TPR: variants seen among roughly 807,000 people sequenced by gnomAD.
The protein encoded by TPR is translocated promoter region, nuclear basket protein.
In TPR, 51 loss-of-function variants were observed where a neutral mutation model predicts 316.1. The observed-to-expected ratio is 0.16, with a 90% CI of 0.13 to 0.20. The LOEUF (loss-of-function observed/expected upper bound fraction) is 0.20. Among genes scored for constraint, TPR ranks in the 10% least tolerant of loss-of-function variants. The pLI is 1.00. For synonymous variants in TPR, 981 were observed against 914.7 expected (o/e 1.07, Z -1.31); for missense variants, 2,272 against 2,754.8 (o/e 0.82, Z 3.92).
intron 39 of TPR, among the ~76,000 whole-genome samples, chr1:186,331,253 AAAAATCT>A (rs1337487691): frequency 2.6e-5 from 4 of 152,104 alleles, no homozygotes; most frequent in Non-Finnish European, 4.4e-5. Flanking sequence ...CACAACTCTA[AAAAATCT>A]GGAAATCTGT....
chr1:186,326,353 C>A (rs534755355), intron 40 of TPR, 118 bp from the exon 41 acceptor site: 1 of 1,462,002 alleles, frequency 6.8e-7, no homozygotes, highest in Non-Finnish European at 9.1e-7. Flanking sequence ...TAGGAATTGT[C>A]CTGAGAGTTG....
intron 43 of TPR, 125 bp from the exon 44 acceptor site, chr1:186,322,711 C>T: frequency 1.1e-6 from 1 of 936,818 alleles, no homozygotes; most frequent in Non-Finnish European, 1.6e-6. Context: ...GTAATTAGGA[C>T]ATTTTCCCAG....
intron 1 of TPR, among the ~76,000 whole-genome samples, chr1:186,374,386 C>T (rs1171456829): frequency 6.6e-6 from 1 of 152,166 alleles, no homozygotes; most frequent in Non-Finnish European, 1.5e-5. Flanking sequence ...GTTTCCAGCG[C>T]TCTTATGCAC....
At chr1:186,326,842 TA>T (rs1297207541) in intron 40 of TPR, among the ~76,000 whole-genome samples, 4 of 147,370 alleles carry the variant, frequency 2.7e-5, no homozygotes, top group African/African-American at 1.0e-4. Context: ...TAACAAATCC[TA>T]AAAGACTCAT....
chr1:186,331,500 C>T lies in TPR; in HGVS notation c.5686G>A (p.Glu1896Lys). ...ACTTTAGGTATGTTTTTACTTACTT[C>T]TCCAATGGAATCTTGAGAATCCTGG... The part of the protein sequence containing the change: ...YNQDSQDSIG[E>K]GVTQGDYTPM... Residue 1896 changes from glutamate (E) to lysine (K), a missense_variant and splice_region_variant, in exon 39 of 51, where the codon GAA becomes AAA. Around this residue, in one of 10 missense-constraint regions of TPR, gnomAD observed 435 missense variants for 461.1 expected, o/e 0.94. Coordinates refer to ENST00000367478, the MANE Select transcript of TPR (RefSeq NM_003292.3). The T allele has an allele frequency of 6.2e-7, 1 of 1,606,012 alleles. No individual in the cohort carries two copies.
chr1:186,338,288 T>A, intron 30 of TPR, 45 bp from the exon 31 acceptor site: 1 of 1,498,610 alleles, frequency 6.7e-7, no homozygotes, highest in Non-Finnish European at 9.0e-7. Context: ...ATATGAGACA[T>A]TTTTCAAAGT....
Position 186,360,279 on chromosome 1 carries a change from T to C in TPR, c.1185A>G (p.Leu395=), listed in dbSNP as rs1177451674. 3 of 1,613,156 alleles carry C rather than the reference T, an allele frequency of 1.9e-6. No individual in the cohort carries two copies. In the South Asian group the frequency reaches 3.3e-5, roughly 18 times the overall value. ...VAKIVKPGMK[L]TELYNAYVET... is the part of the protein sequence containing the mutation. ...CATTTAATACCATTCTTACCTCAGTTAGTTTCATCCCAGGTTTCACTATCT... is the reference window on the plus strand; with the variant it reads ...CATTTAATACCATTCTTACCTCAGTCAGTTTCATCCCAGGTTTCACTATCT... The change falls in exon 11 of 51, where the codon CTA becomes CTG. Residue 395 remains leucine (L), a synonymous_variant. Transcript: ENST00000367478.
intron 1 of TPR, among the ~76,000 whole-genome samples, chr1:186,374,605 T>C (rs945198046): frequency 1.3e-5 from 2 of 152,344 alleles, no homozygotes; most frequent in East Asian, 3.9e-4. Context: ...CTATCAAGTC[T>C]GTTTCCCGTC....
chr1:186,322,014 G>GCTAC (rs1657789264), intron 45 of TPR, among the ~76,000 whole-genome samples: 1 of 152,194 alleles, frequency 6.6e-6, no homozygotes, highest in African/African-American at 2.4e-5. Context: ...TAAGGAACTT[G>GCTAC]CTACCGCTAG....
rs1169683065 is a variant in TPR, at chr1:186,333,532, T to C, written c.5183-138A>G. The C allele has an allele frequency of 2.4e-5, 24 of 1,014,660 alleles. No homozygotes were observed. The East Asian group carries it at 4.7e-4, about 20-fold the overall frequency. 62.9% of individuals were successfully genotyped at this position (1,014,660 alleles called of 1,614,324 possible). A position where few individuals can be genotyped will look rare whatever the true frequency, so the allele number is the denominator to read the frequency against. On this transcript the variant is annotated intron_variant, in intron 36 of 50. Coordinates refer to ENST00000367478, the MANE Select transcript of TPR (RefSeq NM_003292.3). ...ACAAATACATTGTAGGTAAAGGTAA[T>C]GTATTATGCATTTTTATATTCCCTA...
At chr1:186,371,130 T>C in intron 2 of TPR, 87 bp from the exon 3 acceptor site, 1 of 997,552 alleles carries the variant, frequency 1.0e-6, no homozygotes, top group Middle Eastern at 2.5e-4. Context: ...CTTACATATT[T>C]TAATAAATGA....
chr1:186,365,637 G>A (rs1353227834), intron 4 of TPR, among the ~76,000 whole-genome samples: 1 of 152,164 alleles, frequency 6.6e-6, no homozygotes, highest in African/African-American at 2.4e-5. Flanking sequence ...AGTTTTAAAG[G>A]ATAACACACT....
intron 20 of TPR, 21 bp from the exon 21 acceptor site, chr1:186,350,409 A>C (rs759238138): frequency 6.5e-7 from 1 of 1,528,654 alleles, no homozygotes; most frequent in African/African-American, 1.4e-5. Context: ...CATTAATCTT[A>C]TAACATTCTT....
intron 29 of TPR, among the ~76,000 whole-genome samples, chr1:186,340,600 T>A (rs901506450): frequency 6.6e-6 from 1 of 151,842 alleles, no homozygotes; most frequent in Non-Finnish European, 1.5e-5. Flanking sequence ...CCCAGCTAAT[T>A]TTTAATTTTT....
chr1:186,331,457 GA>G, intron 39 of TPR, 40 bp downstream of exon 39: 1 of 1,415,816 alleles, frequency 7.1e-7, no homozygotes, highest in South Asian at 1.3e-5. Context: ...TTTCATTCAC[GA>G]AAAGCAACGG....
intron 3 of TPR, among the ~76,000 whole-genome samples, chr1:186,368,895 T>A (rs979176032): frequency 6.6e-6 from 1 of 152,206 alleles, no homozygotes; most frequent in Admixed American, 6.5e-5. Context: ...TACATTTAGA[T>A]CTTTCATCCA....
At chr1:186,346,011 A>G in intron 23 of TPR, 124 bp downstream of exon 23, 1 of 1,105,332 alleles carries the variant, frequency 9.0e-7, no homozygotes. Context: ...ACATAAAACT[A>G]AAATTTTGCC....
In TPR at chr1:186,345,570, C is replaced by G. The variant is rs1658651499; in HGVS notation, c.3213+10G>C. The G allele has an allele frequency of 1.9e-6, 3 of 1,596,210 alleles. No homozygotes were observed. Among genetic ancestry groups the G allele is most frequent in the Non-Finnish European group, 2.6e-6 (3 of 1,164,738 alleles). On this transcript the variant is annotated intron_variant, in intron 24 of 50. Coordinates refer to ENST00000367478, the MANE Select transcript of TPR (RefSeq NM_003292.3). ...TCGAAGCTCATTTCTCAATAATTGG[C>G]TATACTTACTTGTTCCTGACAGTCA...
At chr1:186,318,346 A>T in intron 48 of TPR, 101 bp downstream of exon 48, 1 of 1,473,722 alleles carries the variant, frequency 6.8e-7, no homozygotes, top group Non-Finnish European at 9.1e-7. Context: ...AAACAAAAAA[A>T]AACAAAACAC....
Sources: gnomAD v4.1 joint callset for allele counts (sites outside exome capture counted in the v4.1 genomes callset) on GRCh38, gnomAD v4.1.1 for gene constraint, gnomAD v4.1.1 regional missense constraint, MANE v1.5 for transcripts, NCBI Gene and HGNC (gene_info 2026-07-23, HGNC 2026-07-21) for gene names.